ROBO1: variants seen among roughly 807,000 people sequenced by gnomAD.
ROBO1 encodes roundabout homolog 1.
In ROBO1, 149 loss-of-function variants were observed where a neutral mutation model predicts 195.9. The observed-to-expected ratio is 0.76, with a 90% confidence interval of 0.67 to 0.87. The LOEUF (loss-of-function observed/expected upper bound fraction) is 0.87, where lower values mean the gene tolerates loss of function less well. ROBO1 is among the 40% of genes least tolerant of loss of function. The probability of loss-of-function intolerance (pLI) is 0.00; values close to 1 mark genes in which losing one functional copy is unlikely to be tolerated. For missense variants in ROBO1, 1,933 were observed against 2,068.3 expected, an observed-to-expected ratio of 0.93 and a Z score of 1.27; for synonymous variants, 816 against 733.2, an observed-to-expected ratio of 1.11 and a Z score of -1.82.
At chr3:79,391,986 T>C (rs1158420233) in intron 2 of ROBO1, among the ~76,000 whole-genome samples, 1 of 152,198 alleles carries the variant, frequency 6.6e-6, no homozygotes, top group Admixed American at 6.5e-5. Flanking sequence ...AAAGACGTGA[T>C]GCCTTCTAGT....
intron 4 of ROBO1, among the ~76,000 whole-genome samples, chr3:78,892,475 A>G (rs1182726008): frequency 2.0e-5 from 3 of 152,328 alleles, no homozygotes; most frequent in Non-Finnish European, 2.9e-5. Flanking sequence ...TGTAAGCAGC[A>G]TCTGAAATGG....
At chr3:79,226,922 G>A (rs1038574673) in intron 2 of ROBO1, among the ~76,000 whole-genome samples, 3 of 151,992 alleles carry the variant, frequency 2.0e-5, no homozygotes, top group Middle Eastern at 3.2e-3. Flanking sequence ...ATAACAAGAG[G>A]GCTGCATCTA....
In ROBO1 at chr3:79,174,120, C is replaced by G. The variant is rs534697620; in HGVS notation, c.89-48581G>C. On this transcript the variant is annotated intron_variant, in intron 2 of 30. Transcript: ENST00000464233. ...AGGCTGCCTGAGCCAGCAGTGGCAA[C>G]CTGCTCAGGTCCCCTTCCACACTGT... Among the ~76,000 whole-genome samples the G allele has an allele frequency of 3.9e-5, 6 of 152,186 alleles. No individual in the cohort carries two copies. In the South Asian group the frequency reaches 1.2e-3, roughly 32 times the overall value.
chr3:79,217,634 T>C (rs1332476422), intron 2 of ROBO1, among the ~76,000 whole-genome samples: 1 of 151,978 alleles, frequency 6.6e-6, no homozygotes, highest in African/African-American at 2.4e-5. Context: ...ACATTTTTTC[T>C]TGAGCCATGG....
chr3:79,018,266 G>C, intron 3 of ROBO1: 1 of 913,444 alleles, frequency 1.1e-6, no homozygotes, highest in Admixed American at 2.3e-5. Flanking sequence ...GAACATTTTC[G>C]CCTAAAAGTC....
At chr3:79,702,930 C>T (rs111962641) in intron 1 of ROBO1, among the ~76,000 whole-genome samples, 61 of 151,802 alleles carry the variant, frequency 4.0e-4, no homozygotes, top group Non-Finnish European at 8.2e-4. Flanking sequence ...CAGTAGTGGC[C>T]ACGTGGCCTA....
At chr3:79,293,512 C>G (rs192872897) in intron 2 of ROBO1, among the ~76,000 whole-genome samples, 1 of 151,984 alleles carries the variant, frequency 6.6e-6, no homozygotes, top group Admixed American at 6.6e-5. Context: ...TCCTGTGGTC[C>G]TTTAGTGCTA....
chr3:78,995,800 T>C (rs1478822651), intron 3 of ROBO1, among the ~76,000 whole-genome samples: 1 of 147,846 alleles, frequency 6.8e-6, no homozygotes, highest in Non-Finnish European at 1.5e-5. Flanking sequence ...AATTAAAAAG[T>C]AATAAAAAAA....
chr3:79,571,342 T>C (rs980418636), intron 2 of ROBO1, among the ~76,000 whole-genome samples: 1 of 152,096 alleles, frequency 6.6e-6, no homozygotes, highest in Non-Finnish European at 1.5e-5. Flanking sequence ...CTAAGTTATA[T>C]GAGACTTGCT....
intron 2 of ROBO1, among the ~76,000 whole-genome samples, chr3:79,274,896 A>G (rs2030896859): frequency 2.0e-5 from 3 of 152,036 alleles, no homozygotes; most frequent in Admixed American, 2.0e-4. Flanking sequence ...GAAATGAATA[A>G]ATTCCTAGAA....
chr3:78,846,043 A>C (rs1343254288), intron 4 of ROBO1, among the ~76,000 whole-genome samples: 2 of 150,364 alleles, frequency 1.3e-5, no homozygotes, highest in Admixed American at 6.6e-5. Flanking sequence ...AGCCCCAAAG[A>C]TTTTTTTTTT....
At chr3:79,031,345 A>T (rs1157377765) in intron 3 of ROBO1, among the ~76,000 whole-genome samples, 2 of 152,212 alleles carry the variant, frequency 1.3e-5, no homozygotes, top group African/African-American at 2.4e-5. Context: ...CAGGAAAAAA[A>T]CCACATGAAT....
chr3:78,748,046 A>T (rs1042493682), intron 4 of ROBO1, among the ~76,000 whole-genome samples: 10 of 152,230 alleles, frequency 6.6e-5, no homozygotes, highest in Non-Finnish European at 1.5e-4. Flanking sequence ...GATGTGTAGT[A>T]GAATGTGAAC....
rs548024940 is a variant in ROBO1 at position 79,513,099 on chromosome 3, T to C, written c.88+76725A>G. 1.5e-4 allele frequency among the ~76,000 whole-genome samples: 23 copies of C among 152,196 alleles called. 1 individual carries two copies. In the South Asian group the frequency reaches 3.5e-3, roughly 23 times the overall value. On this transcript the variant is annotated intron_variant, in intron 2 of 30. Transcript: ENST00000464233. ...TTCTAGGAGACGATAGAAAACCCCA[T>C]GGAAGATAACAAATAGCCAAAAGGA...
chr3:78,687,689 A>G (rs1358572501), intron 9 of ROBO1, among the ~76,000 whole-genome samples: 3 of 152,208 alleles, frequency 2.0e-5, no homozygotes, highest in East Asian at 1.9e-4. Context: ...CAGTGACGCA[A>G]TCAGAGGTCT....
At chr3:78,652,844 A>G (rs1706760995) in intron 18 of ROBO1, among the ~76,000 whole-genome samples, 1 of 152,158 alleles carries the variant, frequency 6.6e-6, no homozygotes, top group Non-Finnish European at 1.5e-5. Context: ...CAAGCCCACC[A>G]TAACACCCAG....
chr3:79,400,655 AT>A (rs2037336106), intron 2 of ROBO1, among the ~76,000 whole-genome samples: 1 of 152,074 alleles, frequency 6.6e-6, no homozygotes, highest in African/African-American at 2.4e-5. Context: ...AGACTTTCAT[AT>A]TGAGGAAAAT....
chr3:78,967,292 T>TC (rs2076667963), intron 3 of ROBO1, among the ~76,000 whole-genome samples: 1 of 152,076 alleles, frequency 6.6e-6, no homozygotes, highest in Admixed American at 6.6e-5. Flanking sequence ...GTAAGGCAGT[T>TC]CTGTTATGAC....
intron 18 of ROBO1, among the ~76,000 whole-genome samples, chr3:78,653,431 T>C (rs992575692): frequency 2.0e-5 from 3 of 152,162 alleles, no homozygotes; most frequent in Non-Finnish European, 4.4e-5. Context: ...CCATTTGCTC[T>C]AAGAACCCAC....
Sources: allele counts gnomAD v4.1 joint callset (sites outside exome capture counted in the v4.1 genomes callset), GRCh38; gene constraint gnomAD v4.1.1; transcripts MANE v1.5; gene names NCBI Gene and HGNC (gene_info 2026-07-23, HGNC 2026-07-21).